DNAH5: variants seen among roughly 807,000 people sequenced by gnomAD.
DNAH5 encodes the protein dynein axonemal heavy chain 5.
Under a neutral mutation model 518.2 loss-of-function variants are expected in DNAH5, and 372 were observed. That is an observed-to-expected ratio of 0.72 (90% CI 0.66 to 0.78). DNAH5 has a LOEUF of 0.78. DNAH5 is among the 30% of genes least tolerant of loss of function. The probability of loss-of-function intolerance (pLI) is 0.00; values close to 1 mark genes in which losing one functional copy is unlikely to be tolerated. For missense variants in DNAH5, 5,523 were observed against 5,687.0 expected (o/e 0.97, Z 0.93); for synonymous variants, 2,039 against 2,025.9 (o/e 1.01, Z -0.17).
intron 12 of DNAH5, among the ~76,000 whole-genome samples, chr5:13,906,008 T>G (rs912720073): frequency 2.0e-5 from 3 of 152,070 alleles, no homozygotes; most frequent in Non-Finnish European, 4.4e-5. Flanking sequence ...TATCACTAAC[T>G]AAAAGAAGCC....
intron 47 of DNAH5, among the ~76,000 whole-genome samples, chr5:13,794,593 G>A (rs769568736): frequency 2.0e-5 from 3 of 152,138 alleles, no homozygotes; most frequent in Non-Finnish European, 4.4e-5. Flanking sequence ...AGTGAACAAA[G>A]CTCACTTATG....
At chr5:13,877,579 C>G (rs566580636) in intron 21 of DNAH5, among the ~76,000 whole-genome samples, 34 of 152,298 alleles carry the variant, frequency 2.2e-4, no homozygotes, top group African/African-American at 8.2e-4. Context: ...AAGTCAGAGA[C>G]CAGTGGAGAG....
chr5:13,830,444 G>A (rs1010647662), intron 36 of DNAH5, among the ~76,000 whole-genome samples, 153 bp downstream of exon 36: 1 of 152,038 alleles, frequency 6.6e-6, no homozygotes, highest in Non-Finnish European at 1.5e-5. Context: ...AGTAACATTT[G>A]GTCCACACAA....
intron 65 of DNAH5, among the ~76,000 whole-genome samples, chr5:13,748,059 G>A (rs1749657465): frequency 6.6e-6 from 1 of 152,120 alleles, no homozygotes; most frequent in Non-Finnish European, 1.5e-5. Context: ...TTTTGTATAA[G>A]ATGTAAGGAA....
chr5:14,008,299 A>AGGGAAGGAGGAGGGGATGGAGGGAGG (rs1784873178), intron 1 of DNAH5, among the ~76,000 whole-genome samples: 1 of 58,224 alleles, frequency 1.7e-5, no homozygotes, highest in Non-Finnish European at 3.2e-5. Context: ...AATGAGGGAG[A>AGGGAAGGAGGAGGGGATGGAGGGAGG]GAGGGAAGAA....
At chr5:13,692,182 G>A (rs1740786020) in intron 78 of DNAH5, 47 bp from the exon 79 acceptor site, 1 of 1,602,366 alleles carries the variant, frequency 6.2e-7, no homozygotes, top group African/African-American at 1.3e-5. Context: ...TTCCACTTTA[G>A]AGCCCAAGGA....
At chr5:13,706,902 G>T (rs1742857546) in intron 76 of DNAH5, among the ~76,000 whole-genome samples, 1 of 152,152 alleles carries the variant, frequency 6.6e-6, no homozygotes, top group African/African-American at 2.4e-5. Context: ...AGAAGGGCAG[G>T]GTCCCTGGCG....
chr5:13,794,255 A>T (rs1242776982), intron 47 of DNAH5, among the ~76,000 whole-genome samples, 197 bp from the exon 48 acceptor site: 1 of 152,264 alleles, frequency 6.6e-6, no homozygotes, highest in Non-Finnish European at 1.5e-5. Context: ...TTGAAAATCC[A>T]GTTTAATTTA....
chr5:13,797,132 C>G (rs1334155192), intron 47 of DNAH5, among the ~76,000 whole-genome samples: 1 of 152,092 alleles, frequency 6.6e-6, no homozygotes, highest in Non-Finnish European at 1.5e-5. Context: ...ATTCAGGATA[C>G]AGGCATGGGC....
chr5:13,769,392 A>G, intron 57 of DNAH5, 109 bp downstream of exon 57: 1 of 1,001,152 alleles, frequency 1.0e-6, no homozygotes, highest in East Asian at 2.4e-5. Flanking sequence ...ATTCCAATGG[A>G]AGTTAATGTA....
intron 71 of DNAH5, among the ~76,000 whole-genome samples, chr5:13,719,388 G>A (rs1479221802): frequency 6.6e-6 from 1 of 152,108 alleles, no homozygotes; most frequent in African/African-American, 2.4e-5. Flanking sequence ...TCCAAGTAAA[G>A]ATGGCTGATT....
chr5:13,842,859 C>T (rs538992414), intron 32 of DNAH5, among the ~76,000 whole-genome samples: 34 of 152,272 alleles, frequency 2.2e-4, no homozygotes, highest in African/African-American at 7.2e-4. Context: ...ACAAAAGCAA[C>T]GCGATCTTAA....
chr5:13,772,708 A>T, intron 55 of DNAH5, among the ~76,000 whole-genome samples: 1 of 152,370 alleles, frequency 6.6e-6, no homozygotes, highest in South Asian at 2.1e-4. Context: ...AGTTATTAAA[A>T]TTACTACAAA....
At chr5:13,706,181 A>G (rs1742765386) in intron 76 of DNAH5, among the ~76,000 whole-genome samples, 1 of 152,214 alleles carries the variant, frequency 6.6e-6, no homozygotes, top group Non-Finnish European at 1.5e-5. Flanking sequence ...GATGCACACC[A>G]GTGAAAGCCG....
At chr5:13,942,167 T>G (rs1461980304) in intron 1 of DNAH5, among the ~76,000 whole-genome samples, 3 of 152,024 alleles carry the variant, frequency 2.0e-5, no homozygotes, top group Non-Finnish European at 4.4e-5. Context: ...ATAACGTGTG[T>G]TTATTATACA....
intron 63 of DNAH5, among the ~76,000 whole-genome samples, chr5:13,753,030 T>C (rs1374348016): frequency 2.0e-5 from 3 of 151,868 alleles, no homozygotes; most frequent in African/African-American, 4.8e-5. Flanking sequence ...AAAGATGGCA[T>C]TGGTAGAGAT....
chr5:13,938,071 A>C (rs1367311707), intron 1 of DNAH5, among the ~76,000 whole-genome samples: 3 of 152,174 alleles, frequency 2.0e-5, no homozygotes, highest in African/African-American at 7.2e-5. Flanking sequence ...CTTTGGAGTA[A>C]TGTGATAAAA....
chr5:13,851,551 C>G (rs1489883220), intron 30 of DNAH5, among the ~76,000 whole-genome samples: 1 of 152,146 alleles, frequency 6.6e-6, no homozygotes, highest in Non-Finnish European at 1.5e-5. Flanking sequence ...CTCAAGCAGT[C>G]TTCCCACCTC....
chr5:13,859,703 C>A (rs982207596), intron 29 of DNAH5, 98 bp from the exon 30 acceptor site: 13 of 1,111,220 alleles, frequency 1.2e-5, no homozygotes, highest in Non-Finnish European at 1.8e-5. Flanking sequence ...TAACCGCTTT[C>A]TTTACAACCT....
Sources: allele counts gnomAD v4.1 joint callset (sites outside exome capture counted in the v4.1 genomes callset), GRCh38; gene constraint gnomAD v4.1.1; transcripts MANE v1.5; gene names NCBI Gene and HGNC (gene_info 2026-07-23, HGNC 2026-07-21).